Variants in EMCN observed in about 807,000 individuals in gnomAD.
EMCN encodes endomucin, also known as MUC-14.
Under a neutral mutation model 38.4 loss-of-function variants are expected in EMCN, and 37 were observed. The observed-to-expected ratio is 0.96, with a 90% CI of 0.74 to 1.27. EMCN has a LOEUF of 1.27. Ranked by LOEUF, EMCN falls within the 50% of genes most tolerant of loss-of-function variation. The probability of loss-of-function intolerance (pLI) is 0.00; values close to 1 mark genes in which losing one functional copy is unlikely to be tolerated. For missense variants in EMCN, 318 were observed against 302.8 expected (o/e 1.05, Z -0.37); for synonymous variants, 95 against 100.8 (o/e 0.94, Z 0.35).
At chr4:100,427,087 T>C (rs565433210) in intron 5 of EMCN, among the ~76,000 whole-genome samples, 2 of 152,180 alleles carry the variant, frequency 1.3e-5, no homozygotes, top group African/African-American at 4.8e-5. Context: ...CTAATTGTAA[T>C]TTGATAGATT....
chr4:100,449,386 G>A (rs1727776022), intron 4 of EMCN, among the ~76,000 whole-genome samples: 1 of 152,030 alleles, frequency 6.6e-6, no homozygotes, highest in African/African-American at 2.4e-5. Context: ...CAGGTATATA[G>A]GCCAGGTCTG....
At chr4:100,431,820 T>C (rs1727211572) in intron 5 of EMCN, among the ~76,000 whole-genome samples, 1 of 152,028 alleles carries the variant, frequency 6.6e-6, no homozygotes, top group Admixed American at 6.6e-5. Context: ...TCTCTCTGTC[T>C]CTCGCTCTCG....
At chr4:100,465,146 A>C (rs1553930236) in intron 4 of EMCN, among the ~76,000 whole-genome samples, 2 of 151,904 alleles carry the variant, frequency 1.3e-5, no homozygotes, top group Non-Finnish European at 1.5e-5. Context: ...AAGTTGTCTA[A>C]TTTTTTGGCT....
In EMCN at chr4:100,395,746, T is replaced by C. The variant is rs1159421663; in HGVS notation, c.*2667A>G. On this transcript the variant is annotated 3_prime_UTR_variant, in exon 12 of 12. Coordinates refer to ENST00000296420, the MANE Select transcript of EMCN (RefSeq NM_016242.4). Reference sequence around the variant, plus strand: ...AGGTAGAAAAGAAATAACACACAGATTTGTCAACCATATGTAACAGAATAG... The same window carrying C: ...AGGTAGAAAAGAAATAACACACAGACTTGTCAACCATATGTAACAGAATAG... The C allele has an allele frequency of 2.0e-5, 3 of 152,130 alleles. No individual in the cohort carries two copies. The highest frequency in any genetic ancestry group is 3.9e-4 in the East Asian group (2 of 5,186). 9.4% of individuals were successfully genotyped at this position (152,130 alleles called of 1,614,324 possible).
chr4:100,400,143 C>T (rs2110202573), intron 11 of EMCN, among the ~76,000 whole-genome samples: 1 of 152,246 alleles, frequency 6.6e-6, no homozygotes, highest in South Asian at 2.1e-4. Context: ...TAGTGAAGGA[C>T]AATGTTGGTT....
chr4:100,471,825 T>A (rs1161966041), intron 3 of EMCN, among the ~76,000 whole-genome samples: 1 of 152,008 alleles, frequency 6.6e-6, no homozygotes, highest in Non-Finnish European at 1.5e-5. Context: ...AGGAATTTTT[T>A]AAAAACATGA....
chr4:100,422,124 G>T (rs1238799270), intron 7 of EMCN, among the ~76,000 whole-genome samples: 1 of 151,986 alleles, frequency 6.6e-6, no homozygotes, highest in African/African-American at 2.4e-5. Flanking sequence ...AAATTAAGAT[G>T]ACTATTAGTT....
chr4:100,485,907 A>T (rs1445797794), intron 1 of EMCN, among the ~76,000 whole-genome samples: 3 of 152,176 alleles, frequency 2.0e-5, no homozygotes, highest in African/African-American at 7.2e-5. Context: ...GTAAGATATC[A>T]TATAAAAATG....
At chr4:100,422,494 T>G (rs1424274389) in intron 7 of EMCN, among the ~76,000 whole-genome samples, 1 of 152,084 alleles carries the variant, frequency 6.6e-6, no homozygotes, top group African/African-American at 2.4e-5. Context: ...TTATATGACA[T>G]ATATAGGTTT....
chr4:100,433,980 G>A (rs938611655), intron 5 of EMCN, among the ~76,000 whole-genome samples: 54 of 152,134 alleles, frequency 3.5e-4, no homozygotes, highest in African/African-American at 1.2e-3. Context: ...AGAACCAAAA[G>A]CAAACAAACC....
chr4:100,507,292 G>A (rs896095100), intron 1 of EMCN, among the ~76,000 whole-genome samples: 4 of 152,116 alleles, frequency 2.6e-5, no homozygotes, highest in African/African-American at 9.7e-5. Flanking sequence ...TATGCCTAGT[G>A]AGATTTCAGC....
At position 100,396,506 on chromosome 4, in the gene EMCN, G is replaced by C. The variant is rs921553021; in HGVS notation, c.*1907C>G. The stretch of plus-strand genomic sequence containing the variant: ...GCTGAAGAGCTCGGTAAATTATCTA[G>C]GTGTGCTGGGACTTTCTTTCTTTCT... On this transcript the variant is annotated 3_prime_UTR_variant, in exon 12 of 12. Coordinates refer to ENST00000296420, the MANE Select transcript of EMCN (RefSeq NM_016242.4). 1 of 150,706 alleles carries C rather than the reference G, an allele frequency of 6.6e-6. No homozygotes were observed. The highest frequency in any genetic ancestry group is 2.4e-5 in the African/African-American group (1 of 40,866). The allele number at this position is 150,706 out of a possible 1,614,324, so 9.3% of individuals were successfully genotyped here. A position where few individuals can be genotyped will look rare whatever the true frequency, so the allele number is the denominator to read the frequency against.
Position 100,397,971 on chromosome 4 carries a change from A to G in EMCN, c.*442T>C, listed in dbSNP as rs1726158530. The G allele has an allele frequency of 6.6e-6, 1 of 152,142 alleles. No individual in the cohort carries two copies. Among genetic ancestry groups the G allele is most frequent in the South Asian group, 2.1e-4 (1 of 4,822 alleles). 9.4% of individuals were successfully genotyped at this position (152,142 alleles called of 1,614,324 possible). ...CTTTTCCCTGCATTAACATAGTGGT[A>G]AACAATAAATACTAACAGTAGGTAA... On this transcript the variant is annotated 3_prime_UTR_variant, in exon 12 of 12. Coordinates refer to ENST00000296420, the MANE Select transcript of EMCN (RefSeq NM_016242.4).
intron 1 of EMCN, among the ~76,000 whole-genome samples, chr4:100,504,184 C>T (rs1414072616): frequency 6.6e-6 from 1 of 152,226 alleles, no homozygotes; most frequent in Non-Finnish European, 1.5e-5. Context: ...GGCTTGTCTG[C>T]TCCCTCAATT....
rs1455532346 is a variant in EMCN, at chr4:100,415,522, GT to G, written c.751+375del. On this transcript the variant is annotated intron_variant, in intron 10 of 11. Transcript: ENST00000296420. The stretch of plus-strand genomic sequence containing the variant: ...TGATTTACATTTTAACTGATGACCA[GT>G]TTTTTTGCCTTTTTGACCATATGCG... 2.0e-5 allele frequency among the ~76,000 whole-genome samples: 3 copies of G among 152,180 alleles called. No individual in the cohort carries two copies. The South Asian group carries it at 6.2e-4, about 32-fold the overall frequency.
At chr4:100,484,052 T>C (rs1426314112) in intron 1 of EMCN, among the ~76,000 whole-genome samples, 1 of 152,130 alleles carries the variant, frequency 6.6e-6, no homozygotes, top group Non-Finnish European at 1.5e-5. Flanking sequence ...ATATCCAGAC[T>C]TAGAGAGCTC....
chr4:100,510,893 G>A (rs1729609453), intron 1 of EMCN, among the ~76,000 whole-genome samples: 1 of 151,998 alleles, frequency 6.6e-6, no homozygotes, highest in African/African-American at 2.4e-5. Context: ...TTATAGCCAA[G>A]TACATGTTTT....
chr4:100,460,229 G>C (rs1164593771), intron 4 of EMCN, among the ~76,000 whole-genome samples: 1 of 151,914 alleles, frequency 6.6e-6, no homozygotes, highest in East Asian at 1.9e-4. Flanking sequence ...GTCTTTTTTT[G>C]TGAAATGTCC....
At chr4:100,511,143 T>C (rs988486734) in intron 1 of EMCN, among the ~76,000 whole-genome samples, 1 of 152,196 alleles carries the variant, frequency 6.6e-6, no homozygotes, top group Non-Finnish European at 1.5e-5. Flanking sequence ...AAAACTCAAC[T>C]TACTGAAGTG....
Sources: allele counts gnomAD v4.1 joint callset (sites outside exome capture counted in the v4.1 genomes callset), GRCh38; gene constraint gnomAD v4.1.1; transcripts MANE v1.5; gene names NCBI Gene and HGNC (gene_info 2026-07-23, HGNC 2026-07-21).